The following NRG4 variants were observed in gnomAD, a reference collection of about 807,000 sequenced individuals.
The protein encoded by NRG4 is neuregulin 4.
NRG4 carries 10 observed loss-of-function variants against 15.0 expected under a neutral mutation model. The observed-to-expected ratio is 0.67, with a 90% CI of 0.41 to 1.13. The LOEUF (loss-of-function observed/expected upper bound fraction) is 1.13. Among genes scored for constraint, NRG4 ranks in the 50% most tolerant of loss-of-function variants. The pLI is 0.00. For missense variants in NRG4, 139 were observed against 140.2 expected (o/e 0.99, Z 0.04); for synonymous variants, 41 against 50.1 (o/e 0.82, Z 0.77).
chr15:75,959,693 G>T lies in NRG4; in HGVS notation c.251+2135C>A, dbSNP rs539138450. ...TTATTTTTCATTTTGTAGAGACAGG[G>T]TCTTGTGATCTTGCCCAGGCTGGTC... On this transcript the variant is annotated intron_variant, in intron 4 of 5. Transcript: ENST00000394907. Among the ~76,000 whole-genome samples, 26 of 151,924 alleles carry T rather than the reference G, an allele frequency of 1.7e-4. 2 individuals are homozygous for T. In the South Asian group the frequency reaches 4.4e-3, roughly 26 times the overall value.
chr15:76,010,026 C>T (rs1452833738), intron 2 of NRG4, among the ~76,000 whole-genome samples: 1 of 151,856 alleles, frequency 6.6e-6, no homozygotes, highest in Non-Finnish European at 1.5e-5. Context: ...TCTTTATGAC[C>T]TTTCCTTTAT....
At chr15:76,031,572 C>T (rs542815052) in intron 5 of NRG4, among the ~76,000 whole-genome samples, 13 of 152,326 alleles carry the variant, frequency 8.5e-5, no homozygotes, top group African/African-American at 3.1e-4. Context: ...CTCCTGTAGT[C>T]CCAGCTACTC....
intron 4 of NRG4, among the ~76,000 whole-genome samples, chr15:76,048,769 G>A (rs573706796): frequency 6.6e-6 from 1 of 150,880 alleles, no homozygotes; most frequent in South Asian, 2.1e-4. Flanking sequence ...TAGGGGCCAG[G>A]CGTGGTGGTT....
chr15:76,015,890 T>C (rs2034959851), upstream of NRG4, among the ~76,000 whole-genome samples: 1 of 152,236 alleles, frequency 6.6e-6, no homozygotes. Context: ...TCCCTCTTTT[T>C]CTATTGTTTG....
intron 3 of NRG4, among the ~76,000 whole-genome samples, chr15:75,997,784 G>C (rs2034267245): frequency 6.6e-6 from 1 of 152,102 alleles, no homozygotes. Context: ...AGGTCACTAA[G>C]GCAGGAAAAA....
chr15:76,033,878 G>A (rs2035535538), intron 5 of NRG4, among the ~76,000 whole-genome samples: 1 of 152,102 alleles, frequency 6.6e-6, no homozygotes, highest in Non-Finnish European at 1.5e-5. Context: ...TGTATTACAT[G>A]GCCACTGTAG....
At chr15:76,030,189 G>A (rs1465368705) in intron 5 of NRG4, among the ~76,000 whole-genome samples, 2 of 152,046 alleles carry the variant, frequency 1.3e-5, no homozygotes, top group African/African-American at 4.8e-5. Flanking sequence ...AACCCAGGAG[G>A]CGGAGGTTGC....
intron 5 of NRG4, among the ~76,000 whole-genome samples, chr15:76,029,772 G>A (rs998220348): frequency 6.6e-6 from 1 of 152,164 alleles, no homozygotes; most frequent in African/African-American, 2.4e-5. Context: ...GAAATAAATT[G>A]AAGAGGACAC....
intron 5 of NRG4, among the ~76,000 whole-genome samples, chr15:75,952,750 A>T (rs961289088): frequency 3.3e-5 from 5 of 151,990 alleles, no homozygotes; most frequent in Non-Finnish European, 7.4e-5. Context: ...TCATTTCCTG[A>T]TGGCTAATGA....
At position 75,977,137 on chromosome 15, in the gene NRG4, A is replaced by G. The variant is rs2033403605; in HGVS notation, c.105-15163T>C. ...CAGTTTTGTTTACACTATGAGGGGA[A>G]AACTGCCCACTCAAGCCTCCAGATG... On this transcript the variant is annotated intron_variant, in intron 3 of 5. Coordinates refer to ENST00000394907, the MANE Select transcript of NRG4 (RefSeq NM_138573.4). The surrounding 1 kb of genome is among the most constrained non-coding windows in gnomAD (Gnocchi z 4.9). Among the ~76,000 whole-genome samples, 2 of 152,262 alleles carry G rather than the reference A, an allele frequency of 1.3e-5. No homozygotes were observed. Among genetic ancestry groups the G allele is most frequent in the South Asian group, 4.1e-4 (2 of 4,828 alleles).
At chr15:75,952,054 T>G (rs529417113) in intron 5 of NRG4, among the ~76,000 whole-genome samples, 9 of 152,358 alleles carry the variant, frequency 5.9e-5, no homozygotes, top group African/African-American at 1.9e-4. Context: ...CATTTTTTTC[T>G]AAATAGTTAC....
At chr15:75,987,424 C>T (rs1398323191) in intron 3 of NRG4, among the ~76,000 whole-genome samples, 2 of 152,084 alleles carry the variant, frequency 1.3e-5, no homozygotes, top group Non-Finnish European at 2.9e-5. Context: ...ACTGGCATTA[C>T]AGATGTGAAT....
At chr15:75,971,735 A>C (rs2141833588) in intron 3 of NRG4, among the ~76,000 whole-genome samples, 1 of 152,228 alleles carries the variant, frequency 6.6e-6, no homozygotes, top group East Asian at 1.9e-4. Context: ...TAAAGGTGCT[A>C]AACTCAAATT....
intron 3 of NRG4, among the ~76,000 whole-genome samples, chr15:76,000,530 G>T (rs2034374004): frequency 6.6e-6 from 1 of 152,112 alleles, no homozygotes. Context: ...CTGTTGCAAG[G>T]TTATAGAAAA....
At chr15:75,991,549 T>G (rs187235591) in intron 3 of NRG4, among the ~76,000 whole-genome samples, 1 of 152,276 alleles carries the variant, frequency 6.6e-6, no homozygotes, top group East Asian at 1.9e-4. Context: ...TATACAGTTT[T>G]GGAGGATAGG....
chr15:76,052,174 G>T (rs1266469784), exon 4 of NRG4: 1 of 150,790 alleles, frequency 6.6e-6, no homozygotes, highest in Non-Finnish European at 1.5e-5. Context: ...AGAATTTGTG[G>T]CCACTATAAA....
chr15:75,994,370 T>A (rs60841857), intron 3 of NRG4, among the ~76,000 whole-genome samples: 1 of 152,168 alleles, frequency 6.6e-6, no homozygotes, highest in African/African-American at 2.4e-5. Context: ...CTGTGGTGAC[T>A]GCCTGCATGT....
chr15:76,019,568 G>A lies in NRG4; in HGVS notation c.-56-8282C>T, dbSNP rs140687200. 1.3e-3 allele frequency among the ~76,000 whole-genome samples: 204 copies of A among 152,302 alleles called. 1 individual carries two copies. The highest frequency in any genetic ancestry group is 4.3e-3 in the African/African-American group (178 of 41,566). On this transcript the variant is annotated intron_variant, in intron 5 of 8. Transcript: ENST00000563910. ...CATAGTATCTGGGCTGGAGTGCACC[G>A]TCCCTCATGGCTTCCCTTGGCTAGG... is the stretch of plus-strand genomic sequence containing the variant.
At position 75,991,403 on chromosome 15, in the gene NRG4, C is replaced by T. The variant is rs552175788; in HGVS notation, c.104+17797G>A. On this transcript the variant is annotated intron_variant, in intron 3 of 5. Transcript: ENST00000394907. ...ACTACTAACATCATACAAAAACAGGCGATGGGCAAGATTTAGCCCATGGGT... is the reference window on the plus strand; with the variant it reads ...ACTACTAACATCATACAAAAACAGGTGATGGGCAAGATTTAGCCCATGGGT... Among the ~76,000 whole-genome samples the T allele has an allele frequency of 5.3e-5, 8 of 152,236 alleles. No individual in the cohort carries two copies. The South Asian group carries it at 8.3e-4, about 16-fold the overall frequency.
Sources: allele counts gnomAD v4.1 joint callset (sites outside exome capture counted in the v4.1 genomes callset), GRCh38; gene constraint gnomAD v4.1.1; non-coding constraint Gnocchi (gnomAD v3.1); transcripts MANE v1.5; gene names NCBI Gene and HGNC (gene_info 2026-07-23, HGNC 2026-07-21).